Variants in ADGRB3 observed in about 807,000 individuals in gnomAD.
ADGRB3 encodes adhesion G protein-coupled receptor B3, also known as brain-specific angiogenesis inhibitor 3.
Under a neutral mutation model 193.4 loss-of-function variants are expected in ADGRB3, and 37 were observed. That is an observed-to-expected ratio of 0.19 (90% confidence interval 0.15 to 0.25). The LOEUF (loss-of-function observed/expected upper bound fraction) is 0.25. Among genes scored for constraint, ADGRB3 ranks in the 10% least tolerant of loss-of-function variants. The pLI is 1.00. For synonymous variants in ADGRB3, 690 were observed against 644.2 expected (o/e 1.07, Z -1.08); for missense variants, 1,637 against 1,852.9 (o/e 0.88, Z 2.14).
At chr6:69,231,422 G>A (rs938121040) in intron 17 of ADGRB3, among the ~76,000 whole-genome samples, 1 of 152,190 alleles carries the variant, frequency 6.6e-6, no homozygotes, top group East Asian at 1.9e-4. Flanking sequence ...CATATGTACT[G>A]CATTAAAGTA....
At chr6:68,859,126 C>T (rs1765075239) in intron 3 of ADGRB3, among the ~76,000 whole-genome samples, 1 of 152,130 alleles carries the variant, frequency 6.6e-6, no homozygotes, top group Non-Finnish European at 1.5e-5. Flanking sequence ...TCTCAAGTTC[C>T]AAGTTCCACA....
intron 3 of ADGRB3, among the ~76,000 whole-genome samples, chr6:68,745,046 T>C (rs1766057069): frequency 6.6e-6 from 1 of 152,000 alleles, no homozygotes. Flanking sequence ...GGGTGAGTGG[T>C]TACACTATCT....
At chr6:69,296,989 G>T (rs561682174) in intron 20 of ADGRB3, among the ~76,000 whole-genome samples, 1 of 152,146 alleles carries the variant, frequency 6.6e-6, no homozygotes, top group African/African-American at 2.4e-5. Context: ...TTATGTTATA[G>T]GCTTATATTT....
At chr6:69,347,093 G>A (rs557887940) in intron 26 of ADGRB3, among the ~76,000 whole-genome samples, 93 of 152,208 alleles carry the variant, frequency 6.1e-4, no homozygotes, top group Non-Finnish European at 1.1e-3. Flanking sequence ...CATTCTCAGC[G>A]AACTAACACA....
At chr6:69,265,697 T>C (rs1243575617) in intron 20 of ADGRB3, among the ~76,000 whole-genome samples, 1 of 152,064 alleles carries the variant, frequency 6.6e-6, no homozygotes, top group Non-Finnish European at 1.5e-5. Context: ...CATTGGCTAA[T>C]TTTAGAAATA....
chr6:69,002,241 A>G (rs1271857741), intron 11 of ADGRB3, among the ~76,000 whole-genome samples: 10 of 120,354 alleles, frequency 8.3e-5, no homozygotes, highest in Non-Finnish European at 1.7e-4. Flanking sequence ...TTTTTTTTTG[A>G]TGGAGTTTTG....
intron 3 of ADGRB3, among the ~76,000 whole-genome samples, chr6:68,856,963 A>T (rs908673322): frequency 1.3e-5 from 2 of 152,306 alleles, no homozygotes; most frequent in African/African-American, 4.8e-5. Context: ...CATGCCTAAA[A>T]GAAGCCAAGG....
intron 2 of ADGRB3, 143 bp from the exon 3 acceptor site, chr6:68,638,517 TA>T: frequency 1.2e-6 from 1 of 816,818 alleles, no homozygotes; most frequent in Non-Finnish European, 1.8e-6. Flanking sequence ...TCCTGTGTTA[TA>T]AAATAAAAAT....
At chr6:68,816,921 C>T (rs1009088561) in intron 3 of ADGRB3, among the ~76,000 whole-genome samples, 2 of 152,024 alleles carry the variant, frequency 1.3e-5, no homozygotes, top group Non-Finnish European at 2.9e-5. Flanking sequence ...AGGTGCTATT[C>T]TCCCAACTAT....
intron 3 of ADGRB3, among the ~76,000 whole-genome samples, chr6:68,755,104 C>A (rs1766274475): frequency 6.6e-6 from 1 of 152,054 alleles, no homozygotes; most frequent in Non-Finnish European, 1.5e-5. Flanking sequence ...GAAGCAGAAG[C>A]CAGTTCAAAG....
rs1582569334 is a variant in ADGRB3 at position 69,239,237 on chromosome 6, T to C, written c.2814+11T>C. 1 of 1,474,664 alleles carries C rather than the reference T, an allele frequency of 6.8e-7. No individual in the cohort carries two copies. The highest frequency in any genetic ancestry group is 1.2e-5 in the South Asian group (1 of 83,972). 91.3% of individuals were successfully genotyped at this position (1,474,664 alleles called of 1,614,324 possible). Reference sequence around the variant, plus strand: ...CAGACACATAATAAGGTATGACTGGTAATTATTCTGATTCTTTTTTTGTGT... The same window carrying C: ...CAGACACATAATAAGGTATGACTGGCAATTATTCTGATTCTTTTTTTGTGT... On this transcript the variant is annotated intron_variant, in intron 20 of 31. Coordinates refer to ENST00000370598, the MANE Select transcript of ADGRB3 (RefSeq NM_001704.3).
At chr6:69,356,968 G>GTGCT (rs917419228) in intron 28 of ADGRB3, among the ~76,000 whole-genome samples, 4 of 152,070 alleles carry the variant, frequency 2.6e-5, no homozygotes, top group African/African-American at 4.8e-5. Flanking sequence ...GTTGATCTTG[G>GTGCT]TGCTGCCTTT....
chr6:69,034,834 G>A (rs375152461), intron 13 of ADGRB3, among the ~76,000 whole-genome samples: 2 of 151,738 alleles, frequency 1.3e-5, no homozygotes, highest in Non-Finnish European at 2.9e-5. Context: ...TAGTTAAAAA[G>A]AGCATAACTA....
intron 3 of ADGRB3, among the ~76,000 whole-genome samples, chr6:68,745,423 A>G (rs757122502): frequency 6.6e-6 from 1 of 152,188 alleles, no homozygotes; most frequent in Non-Finnish European, 1.5e-5. Context: ...AATGGTGGTT[A>G]CCAGGGAATG....
At chr6:68,966,331 A>G (rs1370984342) in intron 8 of ADGRB3, among the ~76,000 whole-genome samples, 2 of 152,152 alleles carry the variant, frequency 1.3e-5, no homozygotes, top group African/African-American at 4.8e-5. Context: ...AACTGCAGGC[A>G]TAGCAAGCAT....
Position 69,062,997 on chromosome 6 carries a change from C to G in ADGRB3, c.2397C>G (p.Thr799=). The change falls in exon 16 of 32, where the codon ACC becomes ACG. Residue 799 remains threonine (T), a synonymous_variant. Coordinates refer to ENST00000370598, the MANE Select transcript of ADGRB3 (RefSeq NM_001704.3). The part of the protein sequence containing the change: ...VVTIRPEPKT[T]DSFLEIELAH... Reference sequence around the variant, plus strand: ...CAATAAGGCCTGAACCCAAAACAACCGATTCGTTTCTGGAGATAGAACTAG... The same window carrying G: ...CAATAAGGCCTGAACCCAAAACAACGGATTCGTTTCTGGAGATAGAACTAG... 6.2e-7 allele frequency: 1 copy of G among 1,612,162 alleles called. No individual in the cohort carries two copies. The highest frequency in any genetic ancestry group is 8.5e-7 in the Non-Finnish European group (1 of 1,178,752).
At chr6:69,147,934 T>G (rs561686565) in intron 17 of ADGRB3, among the ~76,000 whole-genome samples, 1 of 152,288 alleles carries the variant, frequency 6.6e-6, no homozygotes, top group African/African-American at 2.4e-5. Context: ...GAAATCTATT[T>G]TGTTTGATAC....
intron 20 of ADGRB3, among the ~76,000 whole-genome samples, chr6:69,286,325 T>G (rs3799077): frequency 0.3 from 46,190 of 152,050 alleles, 7,516 homozygotes; most frequent in African/African-American, 0.35. Context: ...TTTCCTTTGC[T>G]TTAATATTCT....
chr6:69,219,227 G>T (rs1033671743), intron 17 of ADGRB3, among the ~76,000 whole-genome samples: 2 of 151,836 alleles, frequency 1.3e-5, no homozygotes, highest in African/African-American at 4.8e-5. Flanking sequence ...TCACTAGGAA[G>T]AGTTTGGAAT....
Sources: gnomAD v4.1 joint callset for allele counts (sites outside exome capture counted in the v4.1 genomes callset) on GRCh38, gnomAD v4.1.1 for gene constraint, MANE v1.5 for transcripts, NCBI Gene and HGNC (gene_info 2026-07-23, HGNC 2026-07-21) for gene names.